The following MEIKIN variants were observed in gnomAD, a reference collection of about 807,000 sequenced individuals.
MEIKIN encodes the protein meiosis-specific kinetochore protein.
chr5:131,874,720 G>A (rs1356316934), intron 9 of MEIKIN, among the ~76,000 whole-genome samples: 1 of 152,036 alleles, frequency 6.6e-6, no homozygotes, highest in East Asian at 1.9e-4. Flanking sequence ...CAGTATCCTT[G>A]ATGAACATTG....
At chr5:131,885,333 A>C (rs1284857877) in intron 8 of MEIKIN, among the ~76,000 whole-genome samples, 1 of 127,280 alleles carries the variant, frequency 7.9e-6, no homozygotes, top group Non-Finnish European at 1.6e-5. Context: ...CAGGCCACTC[A>C]GAACTGAAAG....
chr5:131,909,260 T>A, intron 8 of MEIKIN, among the ~76,000 whole-genome samples: 1 of 151,826 alleles, frequency 6.6e-6, no homozygotes, highest in Non-Finnish European at 1.5e-5. Context: ...CATAGATAAA[T>A]CTATACATCT....
intron 5 of MEIKIN, among the ~76,000 whole-genome samples, chr5:131,928,852 T>C (rs1332526747): frequency 6.6e-6 from 1 of 152,220 alleles, no homozygotes. Flanking sequence ...AATAGTAAAC[T>C]ACTATTACAA....
intron 8 of MEIKIN, among the ~76,000 whole-genome samples, chr5:131,889,994 A>G (rs1348656661): frequency 1.3e-5 from 2 of 152,070 alleles, no homozygotes; most frequent in Non-Finnish European, 2.9e-5. Context: ...CTTTGGTTCT[A>G]TTTATATGCT....
chr5:131,903,284 T>A (rs1284321429), intron 8 of MEIKIN, among the ~76,000 whole-genome samples: 1 of 152,004 alleles, frequency 6.6e-6, no homozygotes, highest in African/African-American at 2.4e-5. Context: ...ACATTCAAAT[T>A]CAGGACAAGC....
At chr5:131,823,663 T>G (rs1749560662) in intron 11 of MEIKIN, among the ~76,000 whole-genome samples, 1 of 152,180 alleles carries the variant, frequency 6.6e-6, no homozygotes, top group African/African-American at 2.4e-5. Context: ...AAAGGACATA[T>G]ATCTCTGTTC....
chr5:131,869,460 G>A (rs1561738358), intron 9 of MEIKIN, among the ~76,000 whole-genome samples: 1 of 152,046 alleles, frequency 6.6e-6, no homozygotes, highest in Non-Finnish European at 1.5e-5. Flanking sequence ...TGGCTATTCT[G>A]TATCTTTTCC....
intron 8 of MEIKIN, among the ~76,000 whole-genome samples, chr5:131,895,438 G>A (rs1055010080): frequency 1.8e-4 from 27 of 152,238 alleles, no homozygotes; most frequent in African/African-American, 6.3e-4. Flanking sequence ...TTTTTCTATT[G>A]ATGGGAATAG....
intron 5 of MEIKIN, among the ~76,000 whole-genome samples, chr5:131,923,661 T>C (rs887274438): frequency 6.6e-6 from 1 of 151,962 alleles, no homozygotes; most frequent in Non-Finnish European, 1.5e-5. Flanking sequence ...ATCCTATTCT[T>C]ATTTAACGGA....
intron 11 of MEIKIN, among the ~76,000 whole-genome samples, chr5:131,819,414 C>CAGAGGGGGAGGG (rs1374224800): frequency 3.1e-5 from 3 of 95,552 alleles, no homozygotes; most frequent in African/African-American, 8.7e-5. Context: ...GAGGAAGAGG[C>CAGAGGGGGAGGG]AGAGGGGGAG....
At chr5:131,877,194 A>AT (rs542675025) in intron 9 of MEIKIN, among the ~76,000 whole-genome samples, 1 of 151,952 alleles carries the variant, frequency 6.6e-6, no homozygotes, top group Non-Finnish European at 1.5e-5. Context: ...AAAAAGTTGA[A>AT]TTTTTTTTAA....
At chr5:131,835,211 TG>T (rs1749784412) in intron 11 of MEIKIN, among the ~76,000 whole-genome samples, 3 of 150,960 alleles carry the variant, frequency 2.0e-5, no homozygotes, top group Admixed American at 6.6e-5. Flanking sequence ...TATATATGTG[TG>T]TATATATATG....
chr5:131,922,194 T>C (rs1211376967), intron 5 of MEIKIN, among the ~76,000 whole-genome samples: 1 of 152,210 alleles, frequency 6.6e-6, no homozygotes, highest in African/African-American at 2.4e-5. Flanking sequence ...AAGAGACAGG[T>C]AGCACACATG....
intron 9 of MEIKIN, among the ~76,000 whole-genome samples, chr5:131,875,015 T>A (rs1750585818): frequency 1.4e-5 from 2 of 146,400 alleles, no homozygotes; most frequent in Admixed American, 1.4e-4. Context: ...GAGCTATCTA[T>A]GACAAACCCA....
At chr5:131,935,643 T>C (rs1395468878) in intron 4 of MEIKIN, among the ~76,000 whole-genome samples, 1 of 152,166 alleles carries the variant, frequency 6.6e-6, no homozygotes, top group Non-Finnish European at 1.5e-5. Flanking sequence ...AAGGGGAGCA[T>C]TGTTCTGAAA....
At chr5:131,871,876 C>A (rs1192176657) in intron 9 of MEIKIN, among the ~76,000 whole-genome samples, 2 of 152,104 alleles carry the variant, frequency 1.3e-5, no homozygotes, top group Admixed American at 6.6e-5. Context: ...CTGCTGATAC[C>A]CAGGCAAACA....
At chr5:131,900,400 G>A (rs1236005681) in intron 8 of MEIKIN, among the ~76,000 whole-genome samples, 3 of 152,188 alleles carry the variant, frequency 2.0e-5, no homozygotes, top group Non-Finnish European at 4.4e-5. Context: ...AATGACTCCT[G>A]GGGAAGGGGT....
At chr5:131,807,609 T>A (rs1308242399) in intron 12 of MEIKIN, among the ~76,000 whole-genome samples, 1 of 152,194 alleles carries the variant, frequency 6.6e-6, no homozygotes, top group Non-Finnish European at 1.5e-5. Context: ...CATGACCCTG[T>A]CCTCAGCCAC....
intron 9 of MEIKIN, among the ~76,000 whole-genome samples, chr5:131,857,114 T>A (rs1025489949): frequency 1.3e-5 from 2 of 152,086 alleles, no homozygotes; most frequent in Admixed American, 6.6e-5. Flanking sequence ...ACCTTGACTT[T>A]TAGATAATGA....
Sources: gnomAD v4.1 joint callset for allele counts (sites outside exome capture counted in the v4.1 genomes callset) on GRCh38, gnomAD v4.1.1 for gene constraint, MANE v1.5 for transcripts, NCBI Gene and HGNC (gene_info 2026-07-23, HGNC 2026-07-21) for gene names.